RO60: variants seen among roughly 807,000 people sequenced by gnomAD.
RO60 encodes RNA-binding protein RO60.
RO60 carries 20 observed loss-of-function variants against 55.3 expected under a neutral mutation model. The observed-to-expected ratio is 0.36, with a 90% confidence interval of 0.25 to 0.53. The LOEUF is 0.53. Among genes scored for constraint, RO60 ranks in the 20% least tolerant of loss-of-function variants. The pLI is 0.92. For missense variants in RO60, 558 were observed against 646.6 expected, an observed-to-expected ratio of 0.86 and a Z score of 1.49; for synonymous variants, 213 against 213.6, an observed-to-expected ratio of 1.00 and a Z score of 0.02.
intron 2 of RO60, among the ~76,000 whole-genome samples, chr1:193,073,638 A>G (rs1026601979): frequency 8.5e-5 from 13 of 152,132 alleles, no homozygotes; most frequent in African/African-American, 2.7e-4. Context: ...CAGTGGCACG[A>G]TCTTGGCCCA....
intron 5 of RO60, 32 bp downstream of exon 5, chr1:193,077,082 G>T (rs761845297): frequency 1.3e-6 from 2 of 1,568,846 alleles, no homozygotes; most frequent in Non-Finnish European, 1.7e-6. Flanking sequence ...TAAAACAAAT[G>T]ACTGAAGACT....
At chr1:193,075,462 A>T (rs1019922256) in intron 2 of RO60, among the ~76,000 whole-genome samples, 2 of 151,748 alleles carry the variant, frequency 1.3e-5, no homozygotes, top group Non-Finnish European at 2.9e-5. Flanking sequence ...ATTACAATAC[A>T]ATACAATATT....
intron 5 of RO60, among the ~76,000 whole-genome samples, chr1:193,079,533 A>C (rs1231381528): frequency 6.6e-6 from 1 of 152,214 alleles, no homozygotes; most frequent in East Asian, 1.9e-4. Context: ...AATTAGTTCA[A>C]AGTGGATCAG....
rs745595376 is a variant in RO60 at position 193,084,596 on chromosome 1, T to A, written c.1482T>A (p.Ala494=). The A allele has an allele frequency of 6.2e-7, 1 of 1,612,378 alleles. No homozygotes were observed. Among genetic ancestry groups the A allele is most frequent in the East Asian group, 2.2e-5 (1 of 44,858 alleles). Residue 494 remains alanine (A), a synonymous_variant, in exon 9 of 9, where the codon GCT becomes GCA. Transcript: ENST00000400968. The part of the protein sequence containing the change: ...REYRKKMDIP[A]KLIVCGMTSN... Reference sequence around the variant, plus strand: ...TTCTACAGAAAATGGATATTCCAGCTAAATTGATTGTTTGTGGAATGACAT... The same window carrying A: ...TTCTACAGAAAATGGATATTCCAGCAAAATTGATTGTTTGTGGAATGACAT...
chr1:193,076,654 A>G lies in RO60; in HGVS notation c.948+7A>G, dbSNP rs1321798650. Reference sequence around the variant, plus strand: ...TGAAAAACTATTAAAAAAGGTAAGCATTATCATTGTTCTTTATTAGCTACT... The same window carrying G: ...TGAAAAACTATTAAAAAAGGTAAGCGTTATCATTGTTCTTTATTAGCTACT... On this transcript the variant is annotated splice_region_variant and intron_variant, in intron 4 of 8. Transcript: ENST00000400968. The G allele has an allele frequency of 1.3e-6, 2 of 1,590,172 alleles. No individual in the cohort carries two copies. Among genetic ancestry groups the G allele is most frequent in the Middle Eastern group, 1.9e-4 (1 of 5,272 alleles).
At chr1:193,082,335 G>A (rs745877203) in intron 7 of RO60, 36 bp downstream of exon 7, 5 of 1,476,146 alleles carry the variant, frequency 3.4e-6, no homozygotes. Context: ...ACTTAGTTAA[G>A]TTTACATAAC....
intron 2 of RO60, among the ~76,000 whole-genome samples, chr1:193,070,035 A>G (rs1673374514): frequency 6.6e-6 from 1 of 152,174 alleles, no homozygotes; most frequent in South Asian, 2.1e-4. Flanking sequence ...CAGATATTCA[A>G]ACTTGGTCTC....
chr1:193,067,328 T>C (rs904487775), intron 1 of RO60, among the ~76,000 whole-genome samples: 3 of 151,804 alleles, frequency 2.0e-5, no homozygotes, highest in African/African-American at 4.8e-5. Flanking sequence ...TAGCTGGGAC[T>C]ACAGCGCCTG....
chr1:193,065,316 A>T (rs1468968591), intron 1 of RO60, among the ~76,000 whole-genome samples: 1 of 152,224 alleles, frequency 6.6e-6, no homozygotes, highest in Non-Finnish European at 1.5e-5. Context: ...AATGAATAAT[A>T]CAAGGAAAAG....
rs1300415272 is a variant in RO60 at position 193,089,995 on chromosome 1, G to GGGGTTTC, written c.*5265_*5271dup. ...TAATTTTTGTATTTTTAGTAGAGAC[G>GGGGTTTC]GGGTTTCACCATGTTGGTCAGGCTG... is the stretch of plus-strand genomic sequence containing the variant. On this transcript the variant is annotated 3_prime_UTR_variant, in exon 9 of 9. Transcript: ENST00000400968. 1.3e-5 allele frequency: 2 copies of GGGGTTTC among 151,910 alleles called. No individual in the cohort carries two copies. The highest frequency in any genetic ancestry group is 3.9e-4 in the East Asian group (2 of 5,178). The allele number at this position is 151,910 out of a possible 1,614,324, so 9.4% of individuals were successfully genotyped here. A position where few individuals can be genotyped will look rare whatever the true frequency, so the allele number is the denominator to read the frequency against.
intron 8 of RO60, among the ~76,000 whole-genome samples, chr1:193,084,295 T>G (rs868284536): frequency 6.6e-6 from 1 of 152,224 alleles, no homozygotes; most frequent in African/African-American, 2.4e-5. Flanking sequence ...ACAGGTTTCA[T>G]AAGTACAAAG....
rs1558257876 is a variant in RO60 at position 193,086,574 on chromosome 1, TAAGTAAACCCAAGA to T, written c.*1844_*1857del. ...ATTACGTAATAGTTATTGAATTGTT[TAAGTAAACCCAAGA>T]TCTTAAAAATTATAACATGATCATT... On this transcript the variant is annotated 3_prime_UTR_variant, in exon 9 of 9. Transcript: ENST00000400968. 1 of 152,170 alleles carries T rather than the reference TAAGTAAACCCAAGA, an allele frequency of 6.6e-6. No individual in the cohort carries two copies. The highest frequency in any genetic ancestry group is 1.5e-5 in the Non-Finnish European group (1 of 67,996). The allele number at this position is 152,170 out of a possible 1,614,324, so 9.4% of individuals were successfully genotyped here. A position where few individuals can be genotyped will look rare whatever the true frequency, so the allele number is the denominator to read the frequency against.
At chr1:193,060,909 TA>T (rs1218953592) in intron 1 of RO60, among the ~76,000 whole-genome samples, 1 of 152,262 alleles carries the variant, frequency 6.6e-6, no homozygotes, top group Non-Finnish European at 1.5e-5. Context: ...GTATTTTTTT[TA>T]ATCTGTAATA....
Position 193,084,915 on chromosome 1 carries a change from T to G in RO60, c.*184T>G. 6.7e-7 allele frequency: 1 copy of G among 1,501,590 alleles called. No homozygotes were observed. Among genetic ancestry groups the G allele is most frequent in the Non-Finnish European group, 8.8e-7 (1 of 1,131,240 alleles). 93.0% of individuals were successfully genotyped at this position (1,501,590 alleles called of 1,614,324 possible). A position where few individuals can be genotyped will look rare whatever the true frequency, so the allele number is the denominator to read the frequency against. ...AAGATGGGCCCAAAGGTCTATCTAC[T>G]AAACTAGCTCTTGGGGAAATAGCTT... On this transcript the variant is annotated 3_prime_UTR_variant, in exon 9 of 9. Coordinates refer to ENST00000400968, the MANE Select transcript of RO60 (RefSeq NM_001173524.2).
intron 5 of RO60, among the ~76,000 whole-genome samples, chr1:193,080,874 G>C (rs1674260620): frequency 6.6e-6 from 1 of 152,162 alleles, no homozygotes; most frequent in South Asian, 2.1e-4. Context: ...CATGGCAATG[G>C]GGAGTTACTA....
intron 1 of RO60, among the ~76,000 whole-genome samples, chr1:193,065,790 C>T (rs948249547): frequency 1.3e-5 from 2 of 152,210 alleles, no homozygotes; most frequent in Non-Finnish European, 2.9e-5. Flanking sequence ...ATCATTACAT[C>T]TCTGATGCCA....
At chr1:193,077,977 G>A (rs1674045776) in intron 5 of RO60, among the ~76,000 whole-genome samples, 1 of 152,104 alleles carries the variant, frequency 6.6e-6, no homozygotes, top group South Asian at 2.1e-4. Context: ...TCACATCAAA[G>A]ACACAAGCTA....
At chr1:193,080,764 A>G (rs1444429768) in intron 5 of RO60, among the ~76,000 whole-genome samples, 1 of 152,224 alleles carries the variant, frequency 6.6e-6, no homozygotes, top group Non-Finnish European at 1.5e-5. Flanking sequence ...CCAGACAAAC[A>G]AGGACAAGTA....
intron 1 of RO60, among the ~76,000 whole-genome samples, chr1:193,066,204 AT>A (rs1332727010): frequency 6.6e-6 from 1 of 152,228 alleles, no homozygotes; most frequent in Non-Finnish European, 1.5e-5. Context: ...TCTTTAAGAA[AT>A]TCCTTCAGTT....
Sources: gnomAD v4.1 joint callset for allele counts (sites outside exome capture counted in the v4.1 genomes callset) on GRCh38, gnomAD v4.1.1 for gene constraint, MANE v1.5 for transcripts, NCBI Gene and HGNC (gene_info 2026-07-23, HGNC 2026-07-21) for gene names.